DOCK1: variants seen among roughly 807,000 people sequenced by gnomAD.
The protein encoded by DOCK1 is dedicator of cytokinesis protein 1.
DOCK1 carries 138 observed loss-of-function variants against 262.7 expected under a neutral mutation model. The ratio of observed to expected loss-of-function variants is 0.53; its 90% CI spans 0.46 to 0.61. The LOEUF is 0.61. Among genes scored for constraint, DOCK1 ranks in the 20% least tolerant of loss-of-function variants. The probability of loss-of-function intolerance (pLI) is 0.00; values close to 1 mark genes in which losing one functional copy is unlikely to be tolerated. For missense variants in DOCK1, 1,908 were observed against 2,370.7 expected (o/e 0.80, Z 4.05); for synonymous variants, 866 against 867.4 (o/e 1.00, Z 0.03).
chr10:127,280,013 T>TATATAC (rs1288394308), intron 29 of DOCK1, among the ~76,000 whole-genome samples: 1 of 122,558 alleles, frequency 8.2e-6, no homozygotes. Flanking sequence ...TTATTTCATA[T>TATATAC]ATATATATAT....
intron 31 of DOCK1, among the ~76,000 whole-genome samples, chr10:127,345,739 G>A (rs1243603423): frequency 1.3e-5 from 2 of 152,188 alleles, no homozygotes; most frequent in Non-Finnish European, 2.9e-5. Context: ...CTGGCTTCCA[G>A]CATCAAGAGA....
chr10:126,963,264 T>C (rs1356315087), intron 1 of DOCK1, among the ~76,000 whole-genome samples: 1 of 152,222 alleles, frequency 6.6e-6, no homozygotes, highest in Non-Finnish European at 1.5e-5. Context: ...GGAGTTGCAC[T>C]GAATCTGTAG....
At chr10:127,121,094 G>A (rs772082470) in intron 25 of DOCK1, among the ~76,000 whole-genome samples, 7 of 152,286 alleles carry the variant, frequency 4.6e-5, no homozygotes, top group Non-Finnish European at 7.4e-5. Context: ...CTTTATACGT[G>A]TGGGTAAACT....
chr10:127,213,361 G>A (rs147003821), intron 27 of DOCK1, among the ~76,000 whole-genome samples: 127 of 152,276 alleles, frequency 8.3e-4, no homozygotes, highest in Admixed American at 2.2e-3. Context: ...AAGGTTCTAT[G>A]CCTAGAATGT....
chr10:127,379,566 ATTTAC>A (rs1195648283), intron 35 of DOCK1, among the ~76,000 whole-genome samples: 1 of 152,148 alleles, frequency 6.6e-6, no homozygotes, highest in Non-Finnish European at 1.5e-5. Flanking sequence ...TGTTAGTTAA[ATTTAC>A]TTTACCTTTT....
chr10:127,060,440 G>A lies in DOCK1; in HGVS notation c.2337-1228G>A, dbSNP rs570556873. ...TACACAGAATTTGTTGCTTTACAGT[G>A]GAATTCATTTAAATATCAGACTACC... is the stretch of plus-strand genomic sequence containing the variant. On this transcript the variant is annotated intron_variant, in intron 22 of 51. Coordinates refer to ENST00000623213, the MANE Select transcript of DOCK1 (RefSeq NM_001290223.2). 3.3e-5 allele frequency among the ~76,000 whole-genome samples: 5 copies of A among 152,234 alleles called. No individual in the cohort carries two copies. The South Asian group carries it at 8.3e-4, about 25-fold the overall frequency.
At chr10:127,033,355 T>C (rs923154387) in intron 18 of DOCK1, among the ~76,000 whole-genome samples, 11 of 152,310 alleles carry the variant, frequency 7.2e-5, no homozygotes, top group African/African-American at 2.6e-4. Flanking sequence ...ATGCTTTGAG[T>C]GCCTGCACCA....
intron 23 of DOCK1, among the ~76,000 whole-genome samples, chr10:127,076,978 C>T (rs1004542488): frequency 3.3e-5 from 5 of 152,120 alleles, no homozygotes; most frequent in African/African-American, 1.2e-4. Flanking sequence ...GCCAGAAGCC[C>T]TTGAGAGTGT....
At chr10:127,426,092 C>G in intron 47 of DOCK1, 81 bp downstream of exon 47, 1 of 1,593,064 alleles carries the variant, frequency 6.3e-7, no homozygotes, top group South Asian at 1.1e-5. Context: ...GCTTCCAGAG[C>G]AGAGGAACTC....
chr10:127,387,023 C>T (rs1317420105), intron 38 of DOCK1, among the ~76,000 whole-genome samples: 1 of 129,250 alleles, frequency 7.7e-6, no homozygotes, highest in Non-Finnish European at 1.6e-5. Context: ...GTGAGCAGTG[C>T]TACAGAATGG....
chr10:127,067,940 GGCACACAGATGCAGAA>G (rs1485195508), intron 23 of DOCK1, among the ~76,000 whole-genome samples: 1 of 152,008 alleles, frequency 6.6e-6, no homozygotes, highest in Non-Finnish European at 1.5e-5. Flanking sequence ...AGCTGAGGTT[GGCACACAGATGCAGAA>G]GGTTTGTCTT....
intron 27 of DOCK1, among the ~76,000 whole-genome samples, chr10:127,186,617 A>G (rs1349395477): frequency 6.6e-6 from 1 of 150,642 alleles, no homozygotes; most frequent in Non-Finnish European, 1.5e-5. Context: ...CAGAGAGCCA[A>G]ACCGTATCAG....
At chr10:127,004,420 A>T (rs1004184850) in intron 10 of DOCK1, among the ~76,000 whole-genome samples, 2 of 151,978 alleles carry the variant, frequency 1.3e-5, no homozygotes, top group African/African-American at 4.8e-5. Flanking sequence ...TCTCAATCCT[A>T]ACTGAATATG....
chr10:127,039,437 G>A (rs537909325), intron 19 of DOCK1, among the ~76,000 whole-genome samples: 235 of 152,268 alleles, frequency 1.5e-3, no homozygotes, highest in Non-Finnish European at 2.6e-3. Context: ...ATCTTGTCCC[G>A]TCATTCTCCC....
At chr10:127,204,210 C>G (rs2057608395) in intron 27 of DOCK1, among the ~76,000 whole-genome samples, 1 of 152,152 alleles carries the variant, frequency 6.6e-6, no homozygotes, top group Non-Finnish European at 1.5e-5. Context: ...GCAAATCCTA[C>G]AGAGCTTTTT....
chr10:127,136,667 C>G (rs758971474), intron 27 of DOCK1: 2 of 152,604 alleles, frequency 1.3e-5, no homozygotes, highest in Non-Finnish European at 2.9e-5. Context: ...AGAGAGAACT[C>G]TAAGTGTTAC....
chr10:127,031,819 C>G, intron 17 of DOCK1, 66 bp downstream of exon 17: 1 of 1,343,298 alleles, frequency 7.4e-7, no homozygotes, highest in South Asian at 1.3e-5. Context: ...GGCTCCCTGA[C>G]CTGGACCAAC....
At chr10:127,110,076 T>G (rs1340897689) in intron 24 of DOCK1, among the ~76,000 whole-genome samples, 172 bp from the exon 25 acceptor site, 1 of 152,236 alleles carries the variant, frequency 6.6e-6, no homozygotes, top group Non-Finnish European at 1.5e-5. Context: ...ACGAACACTT[T>G]CAAAACATCA....
intron 1 of DOCK1, among the ~76,000 whole-genome samples, chr10:126,925,839 T>C (rs1467821624): frequency 6.6e-6 from 1 of 151,460 alleles, no homozygotes; most frequent in Admixed American, 6.6e-5. Context: ...CAGGATGGGC[T>C]TATGTCACAG....
Sources: gnomAD v4.1 joint callset for allele counts (sites outside exome capture counted in the v4.1 genomes callset) on GRCh38, gnomAD v4.1.1 for gene constraint, MANE v1.5 for transcripts, NCBI Gene and HGNC (gene_info 2026-07-23, HGNC 2026-07-21) for gene names.